The following ANK2 variants were observed in gnomAD, a reference collection of about 807,000 sequenced individuals.
The protein encoded by ANK2 is ankyrin-2.
A neutral mutation model predicts 360.5 loss-of-function variants in ANK2; 83 were observed. The observed-to-expected ratio is 0.23, with a 90% CI of 0.19 to 0.28. ANK2 has a LOEUF of 0.28. Ranked by LOEUF, ANK2 falls within the 10% of genes least tolerant of loss-of-function variation. ANK2 has a pLI of 1.00. For missense variants in ANK2, 4,201 were observed against 4,795.7 expected, an observed-to-expected ratio of 0.88 and a Z score of 3.66; for synonymous variants, 1,740 against 1,759.5, an observed-to-expected ratio of 0.99 and a Z score of 0.28.
chr4:113,151,950 C>A (rs2097104818), intron 1 of ANK2, among the ~76,000 whole-genome samples: 1 of 150,108 alleles, frequency 6.7e-6, no homozygotes, highest in African/African-American at 2.4e-5. Context: ...ATCTGTAATT[C>A]CAGCTACTGG....
intron 17 of ANK2, among the ~76,000 whole-genome samples, chr4:113,280,854 T>C (rs1194560205): frequency 2.6e-5 from 4 of 152,224 alleles, no homozygotes; most frequent in Non-Finnish European, 4.4e-5. Context: ...GTAGAGCCCA[T>C]GCTGTAGGCA....
chr4:113,194,802 T>G (rs1261439475), intron 2 of ANK2, among the ~76,000 whole-genome samples: 1 of 152,176 alleles, frequency 6.6e-6, no homozygotes, highest in African/African-American at 2.4e-5. Flanking sequence ...AAGTACATAT[T>G]ATTTTATCAA....
Position 113,222,423 on chromosome 4 carries a change from G to T in ANK2, c.385-9738G>T, listed in dbSNP as rs940558563. ...TTTTTTTTTTTTTTTTGGCAACAGG[G>T]TCTTGCTTTCTCATTCAGGCTGGAG... On this transcript the variant is annotated intron_variant, in intron 4 of 45. Coordinates refer to ENST00000357077, the MANE Select transcript of ANK2 (RefSeq NM_001148.6). Among the ~76,000 whole-genome samples the T allele has an allele frequency of 6.8e-5, 10 of 146,376 alleles. No homozygotes were observed. In the East Asian group the frequency reaches 9.9e-4, roughly 15 times the overall value.
intron 1 of ANK2, among the ~76,000 whole-genome samples, chr4:112,887,844 T>G (rs1459030573): frequency 1.3e-5 from 2 of 152,296 alleles, no homozygotes; most frequent in East Asian, 1.9e-4. Context: ...GAGACATGGT[T>G]TAATATCCCC....
At chr4:112,819,243 T>C (rs1578960020) in intron 1 of ANK2, among the ~76,000 whole-genome samples, 2 of 152,362 alleles carry the variant, frequency 1.3e-5, no homozygotes, top group East Asian at 3.9e-4. Flanking sequence ...GATTGTTTAT[T>C]TGCCCTGGCA....
intron 1 of ANK2, among the ~76,000 whole-genome samples, chr4:113,165,764 A>G (rs1214175131): frequency 3.9e-5 from 6 of 152,140 alleles, no homozygotes; most frequent in Non-Finnish European, 8.8e-5. Context: ...CTGAAGCAGT[A>G]ATGTCTTAAA....
At chr4:112,886,370 A>G (rs2078347004) in intron 1 of ANK2, among the ~76,000 whole-genome samples, 1 of 152,124 alleles carries the variant, frequency 6.6e-6, no homozygotes, top group South Asian at 2.1e-4. Context: ...TCTAAGTTCA[A>G]GACAAATAGA....
intron 1 of ANK2, among the ~76,000 whole-genome samples, chr4:113,096,527 A>C (rs1232811684): frequency 6.6e-6 from 1 of 152,138 alleles, no homozygotes; most frequent in Non-Finnish European, 1.5e-5. Context: ...AGAATCACAA[A>C]AAGTGGATAG....
chr4:112,826,368 C>T (rs1286344627), intron 1 of ANK2: 3 of 990,662 alleles, frequency 3.0e-6, no homozygotes, highest in Admixed American at 2.1e-5. Flanking sequence ...AATGGTCTCA[C>T]TGCAACCTGA....
chr4:113,197,789 T>A (rs969796710), intron 3 of ANK2, among the ~76,000 whole-genome samples: 1 of 152,232 alleles, frequency 6.6e-6, no homozygotes, highest in African/African-American at 2.4e-5. Flanking sequence ...AATAAATTTC[T>A]TACTTCGAAC....
chr4:113,272,288 A>G (rs1403827430), intron 14 of ANK2, among the ~76,000 whole-genome samples: 1 of 152,212 alleles, frequency 6.6e-6, no homozygotes, highest in Non-Finnish European at 1.5e-5. Flanking sequence ...TGTGTCAGCC[A>G]GTGATGCTTT....
intron 1 of ANK2, among the ~76,000 whole-genome samples, chr4:112,850,492 TCCTGTGCTAG>T: frequency 1.5e-5 from 2 of 137,134 alleles, no homozygotes; most frequent in African/African-American, 2.8e-5. Flanking sequence ...TTTTAACATT[TCCTGTGCTAG>T]TCTTTTTTTT....
At chr4:113,305,318 C>T (rs1032425228) in intron 23 of ANK2, among the ~76,000 whole-genome samples, 7 of 114,922 alleles carry the variant, frequency 6.1e-5, no homozygotes, top group Admixed American at 1.2e-4. Context: ...CCAGCCTGGG[C>T]GACAGAGCGA....
chr4:113,034,781 T>G (rs1434784495), intron 2 of ANK2: 1 of 151,992 alleles, frequency 6.6e-6, no homozygotes, highest in African/African-American at 2.4e-5. Flanking sequence ...TACTGGAGTA[T>G]GAAATTCATT....
intron 41 of ANK2, among the ~76,000 whole-genome samples, chr4:113,365,899 A>G (rs942439540): frequency 2.0e-5 from 3 of 152,146 alleles, no homozygotes; most frequent in Non-Finnish European, 4.4e-5. Context: ...TCCTATTAAA[A>G]TGGATAAAAT....
chr4:113,014,642 T>C (rs917507783), intron 2 of ANK2, among the ~76,000 whole-genome samples: 5 of 152,182 alleles, frequency 3.3e-5, no homozygotes, highest in Admixed American at 6.5e-5. Flanking sequence ...CCAGAATCTT[T>C]TTTTTTGTTT....
At chr4:112,773,053 C>T in the ANK2 span, among the ~76,000 whole-genome samples, 11 of 152,264 alleles carry the variant, frequency 7.2e-5, no homozygotes, top group East Asian at 1.2e-3. Context: ...TGCGGTGGCT[C>T]ATACCCGAAA....
rs1439950878 is a variant in ANK2 at position 113,264,844 on chromosome 4, C to T, written c.1387-53C>T. 3 of 1,521,276 alleles carry T rather than the reference C, an allele frequency of 2.0e-6. No individual in the cohort carries two copies. The African/African-American group carries it at 4.1e-5, about 21-fold the overall frequency. The allele number at this position is 1,521,276 out of a possible 1,614,324, so 94.2% of individuals were successfully genotyped here. ...CAAAAAGGGACAACTTTATTCTTTA[C>T]CATCCAGAGCGGTGGGTTAATTTAT... On this transcript the variant is annotated intron_variant, in intron 13 of 45. Transcript: ENST00000357077.
chr4:113,025,507 A>C (rs2059092241), intron 2 of ANK2, among the ~76,000 whole-genome samples: 1 of 152,168 alleles, frequency 6.6e-6, no homozygotes. Context: ...ATAAACTCCA[A>C]ATTCCTGGCA....
Sources: gnomAD v4.1 joint callset for allele counts (sites outside exome capture counted in the v4.1 genomes callset) on GRCh38, gnomAD v4.1.1 for gene constraint, MANE v1.5 for transcripts, NCBI Gene and HGNC (gene_info 2026-07-23, HGNC 2026-07-21) for gene names.